RBM15B: variants seen among roughly 807,000 people sequenced by gnomAD.
The protein encoded by RBM15B is putative RNA-binding protein 15B.
A neutral mutation model predicts 53.3 loss-of-function variants in RBM15B; 11 were observed. The observed-to-expected ratio is 0.21, with a 90% CI of 0.13 to 0.34. RBM15B has a LOEUF of 0.34. Ranked by LOEUF, RBM15B falls within the 10% of genes least tolerant of loss-of-function variation. The pLI is 1.00. For synonymous variants in RBM15B, 631 were observed against 540.7 expected, an observed-to-expected ratio of 1.17 and a Z score of -2.32; for missense variants, 1,136 against 1,250.3, an observed-to-expected ratio of 0.91 and a Z score of 1.38.
In RBM15B at chr3:51,391,812, A is replaced by G. The variant is rs2089042149; in HGVS notation, c.413A>G (p.Tyr138Cys). ...GGCTCATCCGCGGCCGCGCCTGAGT[A>G]CAAGACGTTGCTCATCAGCAGCTTG... ...CPGSSAAAPE[Y>C]KTLLISSLSP... The change falls in exon 1 of 1, where the codon TAC (tyrosine) becomes TGC (cysteine). Residue 138 changes from tyrosine (Y) to cysteine (C), a missense_variant. By Grantham distance (194) the Tyr-to-Cys change is radical. Coordinates refer to ENST00000563281, the MANE Select transcript of RBM15B (RefSeq NM_013286.5). This position sits in a 1 kb window ranked among gnomAD's most constrained non-coding sequence, Gnocchi z 4.5. 1.9e-6 allele frequency: 3 copies of G among 1,599,914 alleles called. No homozygotes were observed. Among genetic ancestry groups the G allele is most frequent in the Non-Finnish European group, 2.5e-6 (3 of 1,178,978 alleles).
Position 51,392,386 on chromosome 3 carries a change from C to T in RBM15B, c.987C>T (p.Pro329=), listed in dbSNP as rs1559455150. ...YPAVCEEDLM[P]EDDQRATRNL... is the part of the protein sequence containing the mutation. ...CTGTGTGTGAGGAGGACCTGATGCC[C>T]GAGGATGACCAGCGGGCCACGCGCA... The change falls in exon 1 of 1, where the codon CCC becomes CCT. Residue 329 remains proline, a synonymous_variant. Transcript: ENST00000563281. The surrounding 1 kb of genome is among the most constrained non-coding windows in gnomAD (Gnocchi z 7.5). 2 of 1,614,006 alleles carry T rather than the reference C, an allele frequency of 1.2e-6. No individual in the cohort carries two copies. Among genetic ancestry groups the T allele is most frequent in the Non-Finnish European group, 1.7e-6 (2 of 1,180,046 alleles).
At position 51,395,559 on chromosome 3, in the gene RBM15B, A is replaced by G. The variant is rs1431211066; in HGVS notation, c.*1487A>G. On this transcript the variant is annotated 3_prime_UTR_variant, in exon 1 of 1. Coordinates refer to ENST00000563281, the MANE Select transcript of RBM15B (RefSeq NM_013286.5). The stretch of plus-strand genomic sequence containing the variant: ...TGTCTGGTACCTTGGATGTTCAAAC[A>G]GGGAACACTGTCAGGGCTGAGGAGA... 4 of 382,126 alleles carry G rather than the reference A, an allele frequency of 1.0e-5. No homozygotes were observed. Among genetic ancestry groups the G allele is most frequent in the African/African-American group, 6.2e-5 (3 of 48,078 alleles). 23.7% of individuals were successfully genotyped at this position (382,126 alleles called of 1,614,324 possible).
In RBM15B at chr3:51,397,063, G is replaced by A. The variant is rs1032582783; in HGVS notation, c.*2991G>A. On this transcript the variant is annotated 3_prime_UTR_variant, in exon 1 of 1. Transcript: ENST00000563281. ...CCCAGCAGGGCTTTACCTGCCCCTGGAGAGTTTTAGCCGTCTTGTGTTTCT... is the reference window on the plus strand; with the variant it reads ...CCCAGCAGGGCTTTACCTGCCCCTGAAGAGTTTTAGCCGTCTTGTGTTTCT... The A allele has an allele frequency of 6.0e-6, 1 of 167,066 alleles. No individual in the cohort carries two copies. The highest frequency in any genetic ancestry group is 1.5e-5 in the Non-Finnish European group (1 of 68,136). The allele number at this position is 167,066 out of a possible 1,614,324, so 10.3% of individuals were successfully genotyped here.
rs553072347 is a variant in RBM15B, at chr3:51,392,910, C to T, written c.1511C>T (p.Ser504Leu). 4.3e-5 allele frequency: 70 copies of T among 1,613,790 alleles called. No individual in the cohort carries two copies. Among genetic ancestry groups the T allele is most frequent in the Non-Finnish European group, 5.5e-5 (65 of 1,180,048 alleles). Residue 504 changes from serine to leucine, a missense_variant, in exon 1 of 1, where the codon TCG (serine) becomes TTG (leucine). Transcript: ENST00000563281. This position sits in a 1 kb window ranked among gnomAD's most constrained non-coding sequence, Gnocchi z 7.5. ...CGGTACCCCCAGCAGTACCAGCCCT[C>T]GCCACTCCCTGTGCATTATGAGCTG... Reference protein sequence around the residue: ...ETRYPQQYQPSPLPVHYELLT... With the variant: ...ETRYPQQYQPLPLPVHYELLT...
In RBM15B at chr3:51,395,489, C is replaced by T. The variant is rs1408982228; in HGVS notation, c.*1417C>T. On this transcript the variant is annotated 3_prime_UTR_variant, in exon 1 of 1. Coordinates refer to ENST00000563281, the MANE Select transcript of RBM15B (RefSeq NM_013286.5). ...TGGGCCAGGGAGGAAAACCAGAGCACACAGTTTTGTCACCATGGAACACCC... is the reference window on the plus strand; with the variant it reads ...TGGGCCAGGGAGGAAAACCAGAGCATACAGTTTTGTCACCATGGAACACCC... 4 of 269,532 alleles carry T rather than the reference C, an allele frequency of 1.5e-5. No homozygotes were observed. In the East Asian group the frequency reaches 2.8e-4, roughly 19 times the overall value. The allele number at this position is 269,532 out of a possible 1,614,324, so 16.7% of individuals were successfully genotyped here.
Position 51,394,385 on chromosome 3 carries a change from G to A in RBM15B, c.*313G>A, listed in dbSNP as rs968680185. ...GTTGTCAGTAAAACCTTTGACAGAGGATGGATTTTTAAACCTGTTCAGAGT... is the reference window on the plus strand; with the variant it reads ...GTTGTCAGTAAAACCTTTGACAGAGAATGGATTTTTAAACCTGTTCAGAGT... On this transcript the variant is annotated 3_prime_UTR_variant, in exon 1 of 1. Coordinates refer to ENST00000563281, the MANE Select transcript of RBM15B (RefSeq NM_013286.5). 8.2e-6 allele frequency: 2 copies of A among 243,422 alleles called. No individual in the cohort carries two copies. The highest frequency in any genetic ancestry group is 5.8e-5 in the Admixed American group (1 of 17,172). The allele number at this position is 243,422 out of a possible 1,614,324, so 15.1% of individuals were successfully genotyped here.
In RBM15B at chr3:51,394,296, A is replaced by G. The variant is rs2089099350; in HGVS notation, c.*224A>G. 1.1e-5 allele frequency: 6 copies of G among 526,172 alleles called. No homozygotes were observed. The East Asian group carries it at 2.2e-4, about 20-fold the overall frequency. The allele number at this position is 526,172 out of a possible 1,614,324, so 32.6% of individuals were successfully genotyped here. A position where few individuals can be genotyped will look rare whatever the true frequency, so the allele number is the denominator to read the frequency against. On this transcript the variant is annotated 3_prime_UTR_variant, in exon 1 of 1. Transcript: ENST00000563281. ...AGGGAATCCGGTTATGTTGATTTCT[A>G]GTGTACAAGATACTGTCTGCTGTGG...
rs1207765926 is a variant in RBM15B, at chr3:51,394,923, G to GTGT, written c.*854_*856dup. ...GCCTCACTCAGCCCAGGGATAGCCA[G>GTGT]TGTTGGGAGACAGAGTTGCCTCAGG... On this transcript the variant is annotated 3_prime_UTR_variant, in exon 1 of 1. Transcript: ENST00000563281. The GTGT allele has an allele frequency of 1.8e-5, 3 of 167,318 alleles. No individual in the cohort carries two copies. The highest frequency in any genetic ancestry group is 7.2e-5 in the African/African-American group (3 of 41,472). 10.4% of individuals were successfully genotyped at this position (167,318 alleles called of 1,614,324 possible).
rs931862771 is a variant in RBM15B at position 51,392,728 on chromosome 3, C to T, written c.1329C>T (p.Ser443=). Residue 443 remains serine (S), a synonymous_variant, in exon 1 of 1, where the codon AGC becomes AGT. Transcript: ENST00000563281. This position sits in a 1 kb window ranked among gnomAD's most constrained non-coding sequence, Gnocchi z 7.5. ...CCCGAGAGTTTGACCGCTTTGGGAGCATTCGGACCATTGATCACGTCAAAG... is the reference window on the plus strand; with the variant it reads ...CCCGAGAGTTTGACCGCTTTGGGAGTATTCGGACCATTGATCACGTCAAAG... The part of the protein sequence containing the change: ...ALAREFDRFG[S]IRTIDHVKGD... 2 of 1,614,178 alleles carry T rather than the reference C, an allele frequency of 1.2e-6. No individual in the cohort carries two copies. Among genetic ancestry groups the T allele is most frequent in the Non-Finnish European group, 1.7e-6 (2 of 1,180,046 alleles).
At position 51,392,057 on chromosome 3, in the gene RBM15B, C is replaced by T; in HGVS notation, c.658C>T (p.Arg220Cys). ...GCTCAAGGTAGAGCCCGTGTACCTG[C>T]GTGGCGGCGGCGGGAGCAGTCGGCG... The part of the protein sequence containing the change: ...RPLKVEPVYL[R>C]GGGGSSRRSS... The change falls in exon 1 of 1, where the codon CGT (arginine) becomes TGT (cysteine). Residue 220 changes from arginine (R) to cysteine (C), a missense_variant. By Grantham distance (180) the Arg-to-Cys change is radical. Coordinates refer to ENST00000563281, the MANE Select transcript of RBM15B (RefSeq NM_013286.5). The surrounding 1 kb of genome is among the most constrained non-coding windows in gnomAD (Gnocchi z 7.5). The T allele has an allele frequency of 6.3e-7, 1 of 1,591,442 alleles. No individual in the cohort carries two copies. The highest frequency in any genetic ancestry group is 8.5e-7 in the Non-Finnish European group (1 of 1,176,250).
chr3:51,391,360 G>A lies in RBM15B; in HGVS notation c.-40G>A. On this transcript the variant is annotated 5_prime_UTR_variant, in exon 1 of 1. It adds an upstream start codon to the 5' untranslated region. Coordinates refer to ENST00000563281, the MANE Select transcript of RBM15B (RefSeq NM_013286.5). The surrounding 1 kb of genome is among the most constrained non-coding windows in gnomAD (Gnocchi z 4.5). ...GGCCGCCGCCTCCGCCGCCGCCGCT[G>A]TGAGAAACCTACGGGCCGCCCGCCC... 8.4e-7 allele frequency: 1 copy of A among 1,195,898 alleles called. No homozygotes were observed. The highest frequency in any genetic ancestry group is 1.0e-6 in the Non-Finnish European group (1 of 966,582). The allele number at this position is 1,195,898 out of a possible 1,614,324, so 74.1% of individuals were successfully genotyped here. A position where few individuals can be genotyped will look rare whatever the true frequency, so the allele number is the denominator to read the frequency against.
rs1186869658 is a variant in RBM15B, at chr3:51,397,540, A to C, written c.*3468A>C. On this transcript the variant is annotated 3_prime_UTR_variant, in exon 1 of 1. Coordinates refer to ENST00000563281, the MANE Select transcript of RBM15B (RefSeq NM_013286.5). ...AATACCTCCCTTTCCAGTTCTACCA[A>C]ATCTGTACTTGGGAGCAGCCTGCTG... The C allele has an allele frequency of 6.0e-6, 1 of 167,094 alleles. No individual in the cohort carries two copies. Among genetic ancestry groups the C allele is most frequent in the African/African-American group, 2.4e-5 (1 of 41,436 alleles). The allele number at this position is 167,094 out of a possible 1,614,324, so 10.4% of individuals were successfully genotyped here.
rs1019560971 is a variant in RBM15B, at chr3:51,396,195, G to A, written c.*2123G>A. On this transcript the variant is annotated 3_prime_UTR_variant, in exon 1 of 1. Transcript: ENST00000563281. Reference sequence around the variant, plus strand: ...GAAGAATCATCTACCTCCCAGCTTTGTGAGACAGAACCAAGTAAAAGGAAA... The same window carrying A: ...GAAGAATCATCTACCTCCCAGCTTTATGAGACAGAACCAAGTAAAAGGAAA... 11 of 357,682 alleles carry A rather than the reference G, an allele frequency of 3.1e-5. No homozygotes were observed. The highest frequency in any genetic ancestry group is 9.6e-5 in the Admixed American group (2 of 20,924). 22.2% of individuals were successfully genotyped at this position (357,682 alleles called of 1,614,324 possible).
chr3:51,393,976 C>G lies in RBM15B; in HGVS notation c.2577C>G (p.Cys859Trp). The stretch of plus-strand genomic sequence containing the variant: ...GCATGCTCTACGCCTTCCCACCCTG[C>G]GACTTTTCCCAGCAGTACCTCCAGT... ...GTGMLYAFPP[C>W]DFSQQYLQSA... is the part of the protein sequence containing the mutation. Residue 859 changes from cysteine (C) to tryptophan (W), a missense_variant, in exon 1 of 1, where the codon TGC (cysteine) becomes TGG (tryptophan). Around this residue, in one of 7 missense-constraint regions of RBM15B, gnomAD observed 578 missense variants for 581.6 expected, o/e 0.99. Transcript: ENST00000563281. The surrounding 1 kb of genome is among the most constrained non-coding windows in gnomAD (Gnocchi z 5.6). The G allele has an allele frequency of 6.6e-7, 1 of 1,512,960 alleles. No individual in the cohort carries two copies. Among genetic ancestry groups the G allele is most frequent in the African/African-American group, 1.4e-5 (1 of 71,734 alleles). The allele number at this position is 1,512,960 out of a possible 1,614,324, so 93.7% of individuals were successfully genotyped here. A position where few individuals can be genotyped will look rare whatever the true frequency, so the allele number is the denominator to read the frequency against.
rs1429418597 is a variant in RBM15B, at chr3:51,395,891, T to C, written c.*1819T>C. Reference sequence around the variant, plus strand: ...AGACATGTTAAGCATGTTTATTTATTTGCCTGTTTTTGTTTTTTTACTTGA... The same window carrying C: ...AGACATGTTAAGCATGTTTATTTATCTGCCTGTTTTTGTTTTTTTACTTGA... On this transcript the variant is annotated 3_prime_UTR_variant, in exon 1 of 1. Transcript: ENST00000563281. 4 of 413,418 alleles carry C rather than the reference T, an allele frequency of 9.7e-6. No homozygotes were observed. The highest frequency in any genetic ancestry group is 1.8e-5 in the Non-Finnish European group (4 of 226,158). 25.6% of individuals were successfully genotyped at this position (413,418 alleles called of 1,614,324 possible).
chr3:51,393,067 C>G lies in RBM15B; in HGVS notation c.1668C>G (p.Ser556Arg). The G allele has an allele frequency of 6.2e-7, 1 of 1,613,812 alleles. No homozygotes were observed. The highest frequency in any genetic ancestry group is 8.5e-7 in the Non-Finnish European group (1 of 1,179,928). The change falls in exon 1 of 1, where the codon AGC (serine) becomes AGG (arginine). Residue 556 changes from serine (S) to arginine (R), a missense_variant. Physicochemically the swap from Ser to Arg is moderately radical, Grantham distance 110 (BLOSUM62 -1). Coordinates refer to ENST00000563281, the MANE Select transcript of RBM15B (RefSeq NM_013286.5). This position sits in a 1 kb window ranked among gnomAD's most constrained non-coding sequence, Gnocchi z 5.6. ...LEGDWTSPSK[S>R]SDRRNSLEGY... Reference sequence around the variant, plus strand: ...GGGACTGGACCAGCCCCAGTAAAAGCTCTGACCGCCGAAACAGCCTTGAGG... The same window carrying G: ...GGGACTGGACCAGCCCCAGTAAAAGGTCTGACCGCCGAAACAGCCTTGAGG...
In RBM15B at chr3:51,392,155, C is replaced by T. The variant is rs555596365; in HGVS notation, c.756C>T (p.Tyr252=). ...GPPAPADPLG[Y]LPLHGGYQYK... ...CCGCGCCCGCCGACCCGCTCGGCTA[C>T]CTCCCGCTACACGGAGGCTACCAGT... The change falls in exon 1 of 1, where the codon TAC becomes TAT. Residue 252 remains tyrosine (Y), a synonymous_variant. Coordinates refer to ENST00000563281, the MANE Select transcript of RBM15B (RefSeq NM_013286.5). This position sits in a 1 kb window ranked among gnomAD's most constrained non-coding sequence, Gnocchi z 7.5. 1.3e-6 allele frequency: 2 copies of T among 1,536,338 alleles called. No individual in the cohort carries two copies. Among genetic ancestry groups the T allele is most frequent in the Admixed American group, 2.0e-5 (1 of 50,918 alleles).
Position 51,392,725 on chromosome 3 carries a change from G to A in RBM15B, c.1326G>A (p.Gly442=), listed in dbSNP as rs2089059238. The A allele has an allele frequency of 1.2e-6, 2 of 1,614,072 alleles. No individual in the cohort carries two copies. The highest frequency in any genetic ancestry group is 1.7e-6 in the Non-Finnish European group (2 of 1,180,056). Residue 442 remains glycine, a synonymous_variant, in exon 1 of 1, where the codon GGG becomes GGA. Transcript: ENST00000563281. The surrounding 1 kb of genome is among the most constrained non-coding windows in gnomAD (Gnocchi z 7.5). ...AALAREFDRF[G]SIRTIDHVKG... is the part of the protein sequence containing the mutation. ...TGGCCCGAGAGTTTGACCGCTTTGG[G>A]AGCATTCGGACCATTGATCACGTCA...
rs2089166331 is a variant in RBM15B, at chr3:51,395,852, A to AAAC, written c.*1782_*1784dup. The AAAC allele has an allele frequency of 2.4e-6, 1 of 413,532 alleles. No homozygotes were observed. The highest frequency in any genetic ancestry group is 4.4e-6 in the Non-Finnish European group (1 of 226,140). 25.6% of individuals were successfully genotyped at this position (413,532 alleles called of 1,614,324 possible). Reference sequence around the variant, plus strand: ...CAAGAGAGCAAGCACGTTCATAACAAAACAGCAACACAAAGACATGTTAAG... The same window carrying AAAC: ...CAAGAGAGCAAGCACGTTCATAACAAAACAACAGCAACACAAAGACATGTTAAG... On this transcript the variant is annotated 3_prime_UTR_variant, in exon 1 of 1. Transcript: ENST00000563281.
Sources: gnomAD v4.1 joint callset for allele counts on GRCh38, gnomAD v4.1.1 for gene constraint, gnomAD v4.1.1 regional missense constraint, Gnocchi (gnomAD v3.1) non-coding constraint, MANE v1.5 for transcripts, NCBI Gene and HGNC (gene_info 2026-07-23, HGNC 2026-07-21) for gene names.